Variants in ABLIM1 observed in about 807,000 individuals in gnomAD.
ABLIM1 encodes the protein actin binding LIM protein 1.
ABLIM1 carries 40 observed loss-of-function variants against 107.0 expected under a neutral mutation model. The ratio of observed to expected loss-of-function variants is 0.37; its 90% CI spans 0.29 to 0.49. The LOEUF (loss-of-function observed/expected upper bound fraction) is 0.49, where lower values mean the gene tolerates loss of function less well. Ranked by LOEUF, ABLIM1 falls within the 20% of genes least tolerant of loss-of-function variation. ABLIM1 has a pLI of 0.97. For missense variants in ABLIM1, 857 were observed against 1,008.5 expected (o/e 0.85, Z 2.04); for synonymous variants, 357 against 357.3 (o/e 1.00, Z 0.01).
At chr10:114,781,687 T>TATAA in the ABLIM1 span, among the ~76,000 whole-genome samples, 1 of 146,114 alleles carries the variant, frequency 6.8e-6, no homozygotes, top group Non-Finnish European at 1.5e-5. Flanking sequence ...TATATATATA[T>TATAA]AATTAATGCA....
At chr10:114,622,247 CTTT>C (rs71007483) in intron 1 of ABLIM1, among the ~76,000 whole-genome samples, 12 of 136,516 alleles carry the variant, frequency 8.8e-5, no homozygotes, top group Admixed American at 7.4e-5. Context: ...TTTTCTTTTT[CTTT>C]TTTTTTTTTT....
intron 1 of ABLIM1, among the ~76,000 whole-genome samples, chr10:114,728,206 C>T (rs2081998526): frequency 6.6e-6 from 1 of 152,132 alleles, no homozygotes. Context: ...ATTTTGCATA[C>T]TCAAACTTGA....
chr10:114,600,881 C>G (rs898912782), intron 2 of ABLIM1, among the ~76,000 whole-genome samples: 1 of 152,164 alleles, frequency 6.6e-6, no homozygotes, highest in Non-Finnish European at 1.5e-5. Flanking sequence ...CATGCCCTGG[C>G]TCTGAAATAA....
intron 1 of ABLIM1, among the ~76,000 whole-genome samples, chr10:114,728,716 C>A (rs1486118993): frequency 6.6e-6 from 1 of 151,900 alleles, no homozygotes; most frequent in African/African-American, 2.4e-5. Flanking sequence ...ACTCTAAAAG[C>A]ATGATAGTGA....
chr10:114,657,893 T>C lies in ABLIM1; in HGVS notation c.244+64A>G, dbSNP rs867859325. 86 of 1,326,894 alleles carry C rather than the reference T, an allele frequency of 6.5e-5. No homozygotes were observed. In the Middle Eastern group the frequency reaches 3.3e-3, roughly 52 times the overall value. The allele number at this position is 1,326,894 out of a possible 1,614,324, so 82.2% of individuals were successfully genotyped here. A position where few individuals can be genotyped will look rare whatever the true frequency, so the allele number is the denominator to read the frequency against. On this transcript the variant is annotated intron_variant, in intron 1 of 22. Coordinates refer to ENST00000533213, the MANE Select transcript of ABLIM1 (RefSeq NM_002313.7). ...CATTACAGAAGAATGATCTGGATAGTACTCTCTTAATTACGCCAATCACAA... is the reference window on the plus strand; with the variant it reads ...CATTACAGAAGAATGATCTGGATAGCACTCTCTTAATTACGCCAATCACAA...
chr10:114,504,556 A>G (rs1480117275), intron 6 of ABLIM1, among the ~76,000 whole-genome samples: 3 of 152,178 alleles, frequency 2.0e-5, no homozygotes, highest in Admixed American at 2.0e-4. Flanking sequence ...CTTGAAAAAT[A>G]GCAAGTCACT....
At chr10:114,730,757 T>C (rs1024185329) in intron 1 of ABLIM1, among the ~76,000 whole-genome samples, 6 of 152,174 alleles carry the variant, frequency 3.9e-5, no homozygotes, top group African/African-American at 1.2e-4. Context: ...CACTACTACC[T>C]AATTCTGTAA....
intron 12 of ABLIM1, among the ~76,000 whole-genome samples, chr10:114,456,744 C>A (rs2062890492): frequency 6.6e-6 from 1 of 152,132 alleles, no homozygotes; most frequent in Non-Finnish European, 1.5e-5. Context: ...ATCAACAAGA[C>A]CCTGTGTTGG....
At chr10:114,512,141 G>A (rs2061965402) in intron 6 of ABLIM1, among the ~76,000 whole-genome samples, 1 of 152,208 alleles carries the variant, frequency 6.6e-6, no homozygotes, top group Admixed American at 6.5e-5. Context: ...GGGGGAAGCT[G>A]CTTATTCCAA....
Position 114,445,485 on chromosome 10 carries a change from T to G in ABLIM1, c.1736-82A>C. 6.4e-6 allele frequency: 8 copies of G among 1,249,620 alleles called. No homozygotes were observed. The South Asian group carries it at 8.5e-5, about 13-fold the overall frequency. 77.4% of individuals were successfully genotyped at this position (1,249,620 alleles called of 1,614,324 possible). On this transcript the variant is annotated intron_variant, in intron 15 of 22. Coordinates refer to ENST00000533213, the MANE Select transcript of ABLIM1 (RefSeq NM_002313.7). ...CGGGCTAGTCCATCTGTGTTCAGTT[T>G]GTTAGGCTGGCAAGGTCAGCAACGG...
intron 2 of ABLIM1, among the ~76,000 whole-genome samples, chr10:114,580,540 A>G (rs2073239111): frequency 6.6e-6 from 1 of 152,182 alleles, no homozygotes; most frequent in Non-Finnish European, 1.5e-5. Flanking sequence ...CCTTGGAACC[A>G]ACTTTAACAT....
chr10:114,758,482 C>A (rs931773003), intron 1 of ABLIM1, among the ~76,000 whole-genome samples: 2 of 152,166 alleles, frequency 1.3e-5, no homozygotes, highest in African/African-American at 4.8e-5. Flanking sequence ...CAAAAAAATT[C>A]TCCCTGGAAT....
chr10:114,682,408 A>G (rs1398160293), intron 1 of ABLIM1, among the ~76,000 whole-genome samples: 5 of 152,250 alleles, frequency 3.3e-5, no homozygotes, highest in Admixed American at 3.3e-4. Flanking sequence ...TCCGGGAACC[A>G]GCTACTGAGA....
chr10:114,587,860 C>A (rs912606597), intron 2 of ABLIM1, among the ~76,000 whole-genome samples: 1 of 152,184 alleles, frequency 6.6e-6, no homozygotes, highest in African/African-American at 2.4e-5. Flanking sequence ...CACCTGGCAT[C>A]TGAACCACTC....
At chr10:114,776,810 G>A in the ABLIM1 span, among the ~76,000 whole-genome samples, 119 of 152,208 alleles carry the variant, frequency 7.8e-4, no homozygotes, top group Admixed American at 2.4e-3. Flanking sequence ...TAGAGGCAGG[G>A]TCCAACTATG....
At chr10:114,557,894 T>C (rs2069006198) in intron 4 of ABLIM1, among the ~76,000 whole-genome samples, 1 of 150,456 alleles carries the variant, frequency 6.6e-6, no homozygotes, top group Non-Finnish European at 1.5e-5. Flanking sequence ...ATCCAGACAA[T>C]GAGATGCCAG....
rs529430913 is a variant in ABLIM1, at chr10:114,756,431, T to A, written c.-213+11630A>T. Among the ~76,000 whole-genome samples the A allele has an allele frequency of 6.6e-5, 10 of 152,314 alleles. No homozygotes were observed. In the East Asian group the frequency reaches 1.9e-3, roughly 29 times the overall value. On this transcript the variant is annotated intron_variant, in intron 1 of 15. Transcript: ENST00000651092. ...AATGAACAATAGTATCATTTTGCCA[T>A]GTCCCTAAAACAGACCTTGTTGCCA...
At chr10:114,615,995 G>T (rs1318806763) in intron 1 of ABLIM1, among the ~76,000 whole-genome samples, 1 of 152,082 alleles carries the variant, frequency 6.6e-6, no homozygotes, top group Non-Finnish European at 1.5e-5. Context: ...CCCAGAACAG[G>T]ACATGATGAG....
chr10:114,477,265 C>T (rs1460953219), intron 8 of ABLIM1, among the ~76,000 whole-genome samples: 1 of 152,198 alleles, frequency 6.6e-6, no homozygotes, highest in Non-Finnish European at 1.5e-5. Flanking sequence ...GAAAAGAATG[C>T]TTGCTAACTG....
Sources: gnomAD v4.1 joint callset for allele counts (sites outside exome capture counted in the v4.1 genomes callset) on GRCh38, gnomAD v4.1.1 for gene constraint, MANE v1.5 for transcripts, NCBI Gene and HGNC (gene_info 2026-07-23, HGNC 2026-07-21) for gene names.